Variants in FER observed in about 807,000 individuals in gnomAD.
FER encodes tyrosine-protein kinase Fer.
In FER, 63 loss-of-function variants were observed where a neutral mutation model predicts 111.0. That is an observed-to-expected ratio of 0.57 (90% CI 0.46 to 0.70). The LOEUF (loss-of-function observed/expected upper bound fraction) is 0.70, where lower values mean the gene tolerates loss of function less well. FER is among the 30% of genes least tolerant of loss of function. FER has a pLI of 0.00. For missense variants in FER, 914 were observed against 954.0 expected (o/e 0.96, Z 0.55); for synonymous variants, 327 against 313.9 (o/e 1.04, Z -0.44).
chr5:109,054,904 T>C (rs1773428818), intron 16 of FER, among the ~76,000 whole-genome samples: 1 of 152,256 alleles, frequency 6.6e-6, no homozygotes, highest in Admixed American at 6.5e-5. Context: ...CATACTTATA[T>C]GTGTCTCTAT....
In FER at chr5:109,188,648, A is replaced by G. The variant is rs1358969922; in HGVS notation, c.*1073A>G. 1 of 152,158 alleles carries G rather than the reference A, an allele frequency of 6.6e-6. No homozygotes were observed. Among genetic ancestry groups the G allele is most frequent in the Non-Finnish European group, 1.5e-5 (1 of 68,030 alleles). 9.4% of individuals were successfully genotyped at this position (152,158 alleles called of 1,614,324 possible). The stretch of plus-strand genomic sequence containing the variant: ...CACATATTCTATTCTAAAAACACAT[A>G]ATAATACATATTCTATTTTATGGTC... On this transcript the variant is annotated 3_prime_UTR_variant, in exon 20 of 20. Transcript: ENST00000281092.
chr5:108,885,997 T>A (rs1437508569), intron 9 of FER, among the ~76,000 whole-genome samples: 2 of 151,966 alleles, frequency 1.3e-5, no homozygotes, highest in African/African-American at 4.8e-5. Context: ...TCTTCACATG[T>A]TTATAGATGA....
intron 17 of FER, among the ~76,000 whole-genome samples, chr5:109,158,673 T>C (rs1201407963): frequency 6.6e-6 from 1 of 152,134 alleles, no homozygotes; most frequent in Non-Finnish European, 1.5e-5. Context: ...TTCGAGACTC[T>C]CCAGAATCTA....
At chr5:108,993,978 TC>T (rs1338129316) in intron 13 of FER, among the ~76,000 whole-genome samples, 1 of 152,208 alleles carries the variant, frequency 6.6e-6, no homozygotes, top group Non-Finnish European at 1.5e-5. Context: ...GGTGTTGTTT[TC>T]TTCTTGTAAA....
intron 17 of FER, among the ~76,000 whole-genome samples, chr5:109,119,579 T>G (rs1352267846): frequency 6.6e-6 from 1 of 152,182 alleles, no homozygotes. Context: ...ACTTTCTGTC[T>G]CGTTGATCTG....
chr5:109,012,257 A>T (rs143971075), intron 13 of FER, among the ~76,000 whole-genome samples: 1 of 152,340 alleles, frequency 6.6e-6, no homozygotes, highest in African/African-American at 2.4e-5. Context: ...CACTAAGATA[A>T]TGTTCACATA....
chr5:108,790,543 T>C lies in FER; in HGVS notation c.-59-7581T>C, dbSNP rs552103260. On this transcript the variant is annotated intron_variant, in intron 2 of 19. Coordinates refer to ENST00000281092, the MANE Select transcript of FER (RefSeq NM_005246.4). The stretch of plus-strand genomic sequence containing the variant: ...CTAGGAAACTGGGGTACCAAATAAA[T>C]TCTACCATCATTTTCAGGATTTATA... Among the ~76,000 whole-genome samples the C allele has an allele frequency of 2.0e-5, 3 of 152,316 alleles. No individual in the cohort carries two copies. The South Asian group carries it at 6.2e-4, about 32-fold the overall frequency.
intron 17 of FER, among the ~76,000 whole-genome samples, chr5:109,153,397 T>G (rs1755054416): frequency 6.6e-6 from 1 of 151,904 alleles, no homozygotes; most frequent in Admixed American, 6.6e-5. Flanking sequence ...TTGCTTGATT[T>G]TTTATTTTAA....
At chr5:108,948,785 A>C (rs950482708) in intron 11 of FER, among the ~76,000 whole-genome samples, 2 of 152,110 alleles carry the variant, frequency 1.3e-5, no homozygotes, top group Admixed American at 6.6e-5. Flanking sequence ...TCTTACAGCC[A>C]CTCATGAATA....
rs1759118769 is a variant in FER at position 109,188,437 on chromosome 5, TAGAGTTGAGGCAGTTGCTTTTCAA to T, written c.*863_*886del. On this transcript the variant is annotated 3_prime_UTR_variant, in exon 20 of 20. Coordinates refer to ENST00000281092, the MANE Select transcript of FER (RefSeq NM_005246.4). ...ACAACGCATGAAACGTCGTCAAAGTTAGAGTTGAGGCAGTTGCTTTTCAAGGATGTACAGAGAGCTGTGAAGCAA... is the reference window on the plus strand; with the variant it reads ...ACAACGCATGAAACGTCGTCAAAGTTGGATGTACAGAGAGCTGTGAAGCAA... 2 of 148,820 alleles carry T rather than the reference TAGAGTTGAGGCAGTTGCTTTTCAA, an allele frequency of 1.3e-5. No individual in the cohort carries two copies. Among genetic ancestry groups the T allele is most frequent in the African/African-American group, 4.9e-5 (2 of 40,674 alleles). 9.2% of individuals were successfully genotyped at this position (148,820 alleles called of 1,614,324 possible). A position where few individuals can be genotyped will look rare whatever the true frequency, so the allele number is the denominator to read the frequency against.
intron 2 of FER, among the ~76,000 whole-genome samples, chr5:108,790,981 C>T (rs115997604): frequency 6.6e-6 from 1 of 152,154 alleles, no homozygotes; most frequent in African/African-American, 2.4e-5. Flanking sequence ...ATCAATACTT[C>T]CTTTTCATTG....
At chr5:108,857,416 G>T (rs1241843893) in intron 5 of FER, among the ~76,000 whole-genome samples, 2 of 152,106 alleles carry the variant, frequency 1.3e-5, no homozygotes, top group Non-Finnish European at 2.9e-5. Context: ...CATGATGTCA[G>T]TTCATCCCAT....
intron 17 of FER, among the ~76,000 whole-genome samples, chr5:109,170,290 C>T (rs946817525): frequency 1.3e-5 from 2 of 152,048 alleles, no homozygotes; most frequent in Non-Finnish European, 2.9e-5. Flanking sequence ...TTATTTCATT[C>T]ATCTTAAATG....
intron 3 of FER, among the ~76,000 whole-genome samples, chr5:108,807,996 G>GTT (rs765672336): frequency 5.7e-5 from 8 of 140,322 alleles, no homozygotes; most frequent in Admixed American, 7.1e-5. Flanking sequence ...GTATGATTTA[G>GTT]TTTTTTTTTT....
Position 109,189,884 on chromosome 5 carries a change from C to T in FER, c.*2309C>T, listed in dbSNP as rs961686199. ...CCAGGCTGTTAGAATTTGCAGTTCA[C>T]ATCATTACTCTGTGCTTAAATTTAA... On this transcript the variant is annotated 3_prime_UTR_variant, in exon 20 of 20. Transcript: ENST00000281092. 5 of 152,288 alleles carry T rather than the reference C, an allele frequency of 3.3e-5. No individual in the cohort carries two copies. The highest frequency in any genetic ancestry group is 2.6e-4 in the Admixed American group (4 of 15,300). 9.4% of individuals were successfully genotyped at this position (152,288 alleles called of 1,614,324 possible). A position where few individuals can be genotyped will look rare whatever the true frequency, so the allele number is the denominator to read the frequency against.
chr5:109,183,992 A>G (rs530851986), intron 18 of FER, among the ~76,000 whole-genome samples: 7 of 151,842 alleles, frequency 4.6e-5, no homozygotes, highest in Admixed American at 4.6e-4. Flanking sequence ...TCTCTCTCAT[A>G]TACTTTAAAA....
intron 12 of FER, among the ~76,000 whole-genome samples, chr5:108,956,696 C>T (rs1184454886): frequency 6.6e-6 from 1 of 151,520 alleles, no homozygotes; most frequent in African/African-American, 2.4e-5. Context: ...TTTCTGCTGC[C>T]TAATTTTATT....
chr5:109,005,691 A>G (rs890804940), intron 13 of FER, among the ~76,000 whole-genome samples: 1 of 152,228 alleles, frequency 6.6e-6, no homozygotes, highest in African/African-American at 2.4e-5. Context: ...TTAGATACAC[A>G]TGCTCTTGCA....
intron 3 of FER, among the ~76,000 whole-genome samples, chr5:108,813,923 G>T (rs1050832685): frequency 6.6e-6 from 1 of 152,008 alleles, no homozygotes; most frequent in South Asian, 2.1e-4. Flanking sequence ...CTTTAGGGTG[G>T]AACAAATGGA....
Sources: allele counts gnomAD v4.1 joint callset (sites outside exome capture counted in the v4.1 genomes callset), GRCh38; gene constraint gnomAD v4.1.1; transcripts MANE v1.5; gene names NCBI Gene and HGNC (gene_info 2026-07-23, HGNC 2026-07-21).